ATG10: variants seen among roughly 807,000 people sequenced by gnomAD.
ATG10 encodes autophagy related 10, also known as ubiquitin-like-conjugating enzyme ATG10.
A neutral mutation model predicts 32.1 loss-of-function variants in ATG10; 30 were observed. That is an observed-to-expected ratio of 0.94 (90% CI 0.70 to 1.27). The LOEUF (loss-of-function observed/expected upper bound fraction) is 1.27, where lower values mean the gene tolerates loss of function less well. Ranked by LOEUF, ATG10 falls within the 50% of genes most tolerant of loss-of-function variation. ATG10 has a pLI of 0.00. For synonymous variants in ATG10, 87 were observed against 91.5 expected (o/e 0.95, Z 0.28); for missense variants, 233 against 262.3 (o/e 0.89, Z 0.77).
In ATG10 at chr5:82,178,533, T is replaced by C. The variant is rs1223313892; in HGVS notation, c.399T>C (p.His133=). ...TGAAGGACATATGGGAAGGAGTTCA[T>C]GAGTGCTATAAGATGCGACTGCTAC... The part of the protein sequence containing the change: ...LTLKDIWEGV[H]ECYKMRLLQG... Residue 133 remains histidine, a synonymous_variant, in exon 5 of 8, where the codon CAT becomes CAC. Transcript: ENST00000282185. 2.5e-6 allele frequency: 4 copies of C among 1,612,504 alleles called. No homozygotes were observed. The highest frequency in any genetic ancestry group is 3.4e-6 in the Non-Finnish European group (4 of 1,178,762).
chr5:82,001,980 G>A (rs1761861838), intron 2 of ATG10, among the ~76,000 whole-genome samples: 1 of 152,156 alleles, frequency 6.6e-6, no homozygotes, highest in Non-Finnish European at 1.5e-5. Flanking sequence ...CAAAGGACAT[G>A]AACAGACACT....
chr5:82,122,351 C>T (rs1306979812), intron 3 of ATG10, among the ~76,000 whole-genome samples: 2 of 151,918 alleles, frequency 1.3e-5, no homozygotes, highest in African/African-American at 2.4e-5. Flanking sequence ...ACATCGTATA[C>T]AAAAATCGAC....
intron 3 of ATG10, among the ~76,000 whole-genome samples, chr5:82,081,404 G>A (rs1017235071): frequency 1.3e-5 from 2 of 152,190 alleles, no homozygotes; most frequent in Admixed American, 1.3e-4. Context: ...TGTTGAATAG[G>A]AGTGGTGAGA....
In ATG10 at chr5:82,172,888, C is replaced by T. The variant is rs1743859008; in HGVS notation, c.356-5602C>T. ...AGTAGCTGAAATGAATGTACGTGAA[C>T]AATTGCACTCATTTCATATCACAAT... On this transcript the variant is annotated intron_variant, in intron 4 of 7. Coordinates refer to ENST00000282185, the MANE Select transcript of ATG10 (RefSeq NM_031482.5). 2.6e-5 allele frequency among the ~76,000 whole-genome samples: 4 copies of T among 152,246 alleles called. No individual in the cohort carries two copies. In the East Asian group the frequency reaches 7.7e-4, roughly 29 times the overall value.
chr5:82,249,790 A>C (rs1278372738), intron 5 of ATG10, among the ~76,000 whole-genome samples: 1 of 152,232 alleles, frequency 6.6e-6, no homozygotes. Flanking sequence ...AGTAAAGTCC[A>C]TGTCTTTACA....
chr5:82,193,613 T>C (rs959780677), intron 5 of ATG10, among the ~76,000 whole-genome samples: 1 of 152,174 alleles, frequency 6.6e-6, no homozygotes, highest in African/African-American at 2.4e-5. Context: ...TACTTAAAGG[T>C]CTTCATGCGA....
At chr5:82,152,574 G>A (rs142892056) in intron 3 of ATG10, among the ~76,000 whole-genome samples, 12 of 152,330 alleles carry the variant, frequency 7.9e-5, no homozygotes, top group Admixed American at 1.3e-4. Flanking sequence ...TCAATGAAGG[G>A]TGAGGGTAGA....
chr5:82,133,960 G>T (rs1766641445), intron 3 of ATG10, among the ~76,000 whole-genome samples: 1 of 148,528 alleles, frequency 6.7e-6, no homozygotes, highest in East Asian at 2.1e-4. Context: ...GTATTCCTAG[G>T]TATTTAATAC....
intron 3 of ATG10, among the ~76,000 whole-genome samples, chr5:82,095,098 C>T (rs1048973269): frequency 1.3e-5 from 2 of 152,070 alleles, no homozygotes; most frequent in African/African-American, 4.8e-5. Context: ...GCTTTTACTA[C>T]ATTTTTAAAA....
intron 3 of ATG10, among the ~76,000 whole-genome samples, chr5:82,105,729 G>A (rs1468534307): frequency 6.6e-6 from 1 of 152,082 alleles, no homozygotes; most frequent in Non-Finnish European, 1.5e-5. Flanking sequence ...CCACCTAACA[G>A]AGTGGCACCC....
At chr5:82,136,886 TTTCTTGGAGGCTTTG>T (rs1472128814) in intron 3 of ATG10, among the ~76,000 whole-genome samples, 1 of 152,204 alleles carries the variant, frequency 6.6e-6, no homozygotes, top group East Asian at 1.9e-4. Flanking sequence ...TAGTCCCATA[TTTCTTGGAGGCTTTG>T]TTCATTCCTT....
chr5:81,994,831 G>A (rs1319439924), intron 2 of ATG10, among the ~76,000 whole-genome samples: 1 of 152,144 alleles, frequency 6.6e-6, no homozygotes, highest in Non-Finnish European at 1.5e-5. Flanking sequence ...TTCTCCTAGA[G>A]TCACACTATA....
chr5:82,041,441 C>A (rs775270398), intron 2 of ATG10, among the ~76,000 whole-genome samples: 1 of 152,048 alleles, frequency 6.6e-6, no homozygotes, highest in Non-Finnish European at 1.5e-5. Flanking sequence ...GACATATTTA[C>A]CTCTTGTCAA....
At chr5:82,183,212 CA>C (rs1744301849) in intron 5 of ATG10, among the ~76,000 whole-genome samples, 1 of 151,822 alleles carries the variant, frequency 6.6e-6, no homozygotes, top group Admixed American at 6.6e-5. Context: ...TTAAATTTCC[CA>C]AGTTCTTTTT....
chr5:82,225,540 T>C (rs1037330893), intron 5 of ATG10, among the ~76,000 whole-genome samples: 18 of 152,348 alleles, frequency 1.2e-4, no homozygotes, highest in African/African-American at 3.4e-4. Flanking sequence ...TGCTGCTTTG[T>C]AGGCAAGCCA....
chr5:82,036,139 A>G (rs1034298477), intron 2 of ATG10, among the ~76,000 whole-genome samples: 5 of 152,098 alleles, frequency 3.3e-5, no homozygotes, highest in Admixed American at 1.3e-4. Context: ...TGGTGAGCCA[A>G]ATGACTTCAT....
intron 3 of ATG10, among the ~76,000 whole-genome samples, chr5:82,081,729 G>A (rs1023631159): frequency 1.3e-5 from 2 of 152,176 alleles, no homozygotes; most frequent in Admixed American, 1.3e-4. Context: ...TGGTGGATAA[G>A]CTTTTGGATG....
At chr5:82,141,649 A>AT (rs755304371) in intron 3 of ATG10, among the ~76,000 whole-genome samples, 13 of 151,640 alleles carry the variant, frequency 8.6e-5, no homozygotes, top group South Asian at 4.1e-4. Flanking sequence ...CTTACTTTAG[A>AT]TAAAAAAAAA....
intron 3 of ATG10, among the ~76,000 whole-genome samples, chr5:82,079,379 T>TTA (rs1554046105): frequency 3.9e-5 from 6 of 152,018 alleles, no homozygotes; most frequent in Non-Finnish European, 2.9e-5. Flanking sequence ...TTTTTTTTTT[T>TTA]TATATACTTT....
Sources: allele counts gnomAD v4.1 joint callset (sites outside exome capture counted in the v4.1 genomes callset), GRCh38; gene constraint gnomAD v4.1.1; transcripts MANE v1.5; gene names NCBI Gene and HGNC (gene_info 2026-07-23, HGNC 2026-07-21).